The following IL2RA variants were observed in gnomAD, a reference collection of about 807,000 sequenced individuals.
IL2RA encodes interleukin 2 receptor subunit alpha, also known as interleukin-2 receptor subunit alpha.
Under a neutral mutation model 37.8 loss-of-function variants are expected in IL2RA, and 24 were observed. That is an observed-to-expected ratio of 0.63 (90% CI 0.46 to 0.89). IL2RA has a LOEUF of 0.89. Ranked by LOEUF, IL2RA falls within the 40% of genes least tolerant of loss-of-function variation. IL2RA has a pLI of 0.00. For synonymous variants in IL2RA, 125 were observed against 114.6 expected, an observed-to-expected ratio of 1.09 and a Z score of -0.58; for missense variants, 319 against 348.6, an observed-to-expected ratio of 0.92 and a Z score of 0.68.
rs147490071 is a variant in IL2RA, at chr10:6,054,365, G to A, written c.64+7723C>T. ...TTTGGCTGCCATCCAGGGTCATGTG[G>A]TGCTGGTGATAAGTGATCAGTGACC... On this transcript the variant is annotated intron_variant, in intron 1 of 7. Transcript: ENST00000379959. This position sits in a 1 kb window ranked among gnomAD's most constrained non-coding sequence, Gnocchi z 4.5. Among the ~76,000 whole-genome samples, 24 of 152,312 alleles carry A rather than the reference G, an allele frequency of 1.6e-4. No homozygotes were observed. The East Asian group carries it at 4.6e-3, about 29-fold the overall frequency.
In IL2RA at chr10:6,047,466, C is replaced by CG. The variant is rs2132889355; in HGVS notation, c.64+14621dup. ...GCCTGTAGCATGCACCCTGTGCCTC[C>CG]GGGCCACCAAAAACAGCAATCACGT... is the stretch of plus-strand genomic sequence containing the variant. On this transcript the variant is annotated intron_variant, in intron 1 of 7. Transcript: ENST00000379959. This position sits in a 1 kb window ranked among gnomAD's most constrained non-coding sequence, Gnocchi z 5.0. Among the ~76,000 whole-genome samples, 1 of 152,270 alleles carries CG rather than the reference C, an allele frequency of 6.6e-6. No individual in the cohort carries two copies. The highest frequency in any genetic ancestry group is 2.4e-5 in the African/African-American group (1 of 41,546).
In IL2RA at chr10:6,025,775, T is replaced by C. The variant is rs1386969014; in HGVS notation, c.256+59A>G. On this transcript the variant is annotated intron_variant, in intron 2 of 7. Transcript: ENST00000379959. The surrounding 1 kb of genome is among the most constrained non-coding windows in gnomAD (Gnocchi z 4.4). ...AGGGCTGAGTGAACAAAAGCTGGGC[T>C]CTGTCTCACTCTTTGCTGCAGTTCT... 6.5e-7 allele frequency: 1 copy of C among 1,529,852 alleles called. No individual in the cohort carries two copies. Among genetic ancestry groups the C allele is most frequent in the East Asian group, 2.2e-5 (1 of 44,506 alleles). 94.8% of individuals were successfully genotyped at this position (1,529,852 alleles called of 1,614,324 possible). A position where few individuals can be genotyped will look rare whatever the true frequency, so the allele number is the denominator to read the frequency against.
intron 1 of IL2RA, among the ~76,000 whole-genome samples, chr10:6,060,665 G>A (rs540356918): frequency 3.9e-5 from 6 of 152,124 alleles, no homozygotes; most frequent in African/African-American, 9.7e-5. Flanking sequence ...TCTGAGGCAC[G>A]AGAATTACTT....
intron 1 of IL2RA, among the ~76,000 whole-genome samples, chr10:6,041,309 G>A (rs1313082581): frequency 1.1e-4 from 16 of 151,946 alleles, no homozygotes; most frequent in Admixed American, 1.0e-3. Context: ...TAGAGACGGG[G>A]TTTCACTGTG....
rs1047179910 is a variant in IL2RA, at chr10:6,047,786, A to G, written c.64+14302T>C. On this transcript the variant is annotated intron_variant, in intron 1 of 7. Transcript: ENST00000379959. The surrounding 1 kb of genome is among the most constrained non-coding windows in gnomAD (Gnocchi z 5.0). ...TATGTTATATAAAATACTATAGTAT[A>G]CTCATTAATATAATTAGTATATTAT... 6.7e-6 allele frequency among the ~76,000 whole-genome samples: 1 copy of G among 148,952 alleles called. No homozygotes were observed. The highest frequency in any genetic ancestry group is 6.7e-5 in the Admixed American group (1 of 14,878).
Position 6,024,335 on chromosome 10 carries a change from T to A in IL2RA, c.276A>T (p.Lys92Asn). 1 of 1,613,684 alleles carries A rather than the reference T, an allele frequency of 6.2e-7. No individual in the cohort carries two copies. Among genetic ancestry groups the A allele is most frequent in the Non-Finnish European group, 8.5e-7 (1 of 1,179,526 alleles). ...GTTCTTCAGGTTGAGGTGTCACTTGTTTCGTTGTGTTCCGAGTGGCTAGAA... is the reference window on the plus strand; with the variant it reads ...GTTCTTCAGGTTGAGGTGTCACTTGATTCGTTGTGTTCCGAGTGGCTAGAA... ...CTSSATRNTT[K>N]QVTPQPEEQK... The change falls in exon 3 of 8, where the codon AAA becomes AAT. Residue 92 changes from lysine to asparagine, a missense_variant. Transcript: ENST00000379959.
At chr10:6,019,823 C>A in intron 5 of IL2RA, 47 bp downstream of exon 5, 1 of 1,561,408 alleles carries the variant, frequency 6.4e-7, no homozygotes, top group Non-Finnish European at 8.8e-7. Context: ...TCACCTCTGC[C>A]CTTTTGGACT....
Position 6,048,650 on chromosome 10 carries a change from C to T in IL2RA, c.64+13438G>A, listed in dbSNP as rs1839902539. 1.3e-5 allele frequency among the ~76,000 whole-genome samples: 2 copies of T among 152,260 alleles called. No homozygotes were observed. Among genetic ancestry groups the T allele is most frequent in the African/African-American group, 4.8e-5 (2 of 41,470 alleles). The stretch of plus-strand genomic sequence containing the variant: ...TTAAAACCCTACCCTCATGGACTTC[C>T]ATGGAGGTTACTCAATGCCCTATGG... On this transcript the variant is annotated intron_variant, in intron 1 of 7. Transcript: ENST00000379959. The surrounding 1 kb of genome is among the most constrained non-coding windows in gnomAD (Gnocchi z 5.3).
At chr10:6,049,825 AT>A (rs1839920009) in intron 1 of IL2RA, among the ~76,000 whole-genome samples, 2 of 152,230 alleles carry the variant, frequency 1.3e-5, no homozygotes, top group South Asian at 4.1e-4. Context: ...TTCCAAATTC[AT>A]AAGACTTTTC....
At position 6,028,673 on chromosome 10, in the gene IL2RA, C is replaced by A. The variant is rs188474811; in HGVS notation, c.65-2648G>T. 6.6e-6 allele frequency among the ~76,000 whole-genome samples: 1 copy of A among 152,090 alleles called. No homozygotes were observed. The highest frequency in any genetic ancestry group is 1.5e-5 in the Non-Finnish European group (1 of 68,014). On this transcript the variant is annotated intron_variant, in intron 1 of 7. Coordinates refer to ENST00000379959, the MANE Select transcript of IL2RA (RefSeq NM_000417.3). The surrounding 1 kb of genome is among the most constrained non-coding windows in gnomAD (Gnocchi z 4.1). Reference sequence around the variant, plus strand: ...TGAAGAAACAGGAAAATGTGACATACTTGACCTACTCAAAAAAGTGCTCAA... The same window carrying A: ...TGAAGAAACAGGAAAATGTGACATAATTGACCTACTCAAAAAAGTGCTCAA...
rs1839822578 is a variant in IL2RA, at chr10:6,044,559, A to G, written c.64+17529T>C. 6.6e-6 allele frequency among the ~76,000 whole-genome samples: 1 copy of G among 152,156 alleles called. No homozygotes were observed. The highest frequency in any genetic ancestry group is 1.5e-5 in the Non-Finnish European group (1 of 68,032). On this transcript the variant is annotated intron_variant, in intron 1 of 7. Coordinates refer to ENST00000379959, the MANE Select transcript of IL2RA (RefSeq NM_000417.3). This position sits in a 1 kb window ranked among gnomAD's most constrained non-coding sequence, Gnocchi z 4.5. ...GGTAAACTGACATGGCACACTCATGAGCATGTCTTATGGAAAGCTGCTTCT... is the reference window on the plus strand; with the variant it reads ...GGTAAACTGACATGGCACACTCATGGGCATGTCTTATGGAAAGCTGCTTCT...
intron 3 of IL2RA, among the ~76,000 whole-genome samples, chr10:6,023,845 T>C (rs1189538041): frequency 6.6e-6 from 1 of 152,190 alleles, no homozygotes; most frequent in Non-Finnish European, 1.5e-5. Context: ...CGGTGCGTTG[T>C]CTTGTGCTTA....
chr10:6,013,076 C>T (rs1162785093), intron 7 of IL2RA, among the ~76,000 whole-genome samples, 180 bp from the exon 8 acceptor site: 2 of 152,218 alleles, frequency 1.3e-5, no homozygotes, highest in African/African-American at 4.8e-5. Context: ...GATCTGCCTG[C>T]CTCGGCCTTC....
Position 6,022,218 on chromosome 10 carries a change from T to G in IL2RA, c.368-525A>C, listed in dbSNP as rs11596355. Among the ~76,000 whole-genome samples the G allele has an allele frequency of 6.6e-6, 1 of 151,954 alleles. No individual in the cohort carries two copies. The highest frequency in any genetic ancestry group is 1.5e-5 in the Non-Finnish European group (1 of 67,994). On this transcript the variant is annotated intron_variant, in intron 3 of 7. Transcript: ENST00000379959. This position sits in a 1 kb window ranked among gnomAD's most constrained non-coding sequence, Gnocchi z 4.7. ...GCATCTTGGGATGATGTCGGAAGGA[T>G]TGGGGACAACACCAAAGCCAGGAGG...
chr10:6,051,638 C>T (rs1839960571), intron 1 of IL2RA, among the ~76,000 whole-genome samples: 1 of 146,396 alleles, frequency 6.8e-6, no homozygotes, highest in East Asian at 2.0e-4. Flanking sequence ...CCTGCCTCAG[C>T]CTCCCTGAGT....
At chr10:6,062,065 CG>C in intron 1 of IL2RA, 22 bp downstream of exon 1, 2 of 1,607,384 alleles carry the variant, frequency 1.2e-6, no homozygotes, top group Non-Finnish European at 1.7e-6. Context: ...CCCGGAATTC[CG>C]GGGGCACCCA....
rs1839366748 is a variant in IL2RA, at chr10:6,020,486, T to A, written c.584-545A>T. On this transcript the variant is annotated intron_variant, in intron 4 of 7. Coordinates refer to ENST00000379959, the MANE Select transcript of IL2RA (RefSeq NM_000417.3). The surrounding 1 kb of genome is among the most constrained non-coding windows in gnomAD (Gnocchi z 5.6). ...GGGAACCCAAGAGAAGGACATGGAG[T>A]ATGAGAAGTGCAGTGAGCAAGAAAA... Among the ~76,000 whole-genome samples, 1 of 150,878 alleles carries A rather than the reference T, an allele frequency of 6.6e-6. No homozygotes were observed. The highest frequency in any genetic ancestry group is 6.6e-5 in the Admixed American group (1 of 15,200).
chr10:6,021,896 T>C lies in IL2RA; in HGVS notation c.368-203A>G, dbSNP rs1314486775. On this transcript the variant is annotated intron_variant, in intron 3 of 7. Transcript: ENST00000379959. The surrounding 1 kb of genome is among the most constrained non-coding windows in gnomAD (Gnocchi z 4.9). The stretch of plus-strand genomic sequence containing the variant: ...TAGGAAGGCACGAAGACCCTGTCAC[T>C]CCTGCAAGGGGTGGACAGTGGATTG... 6.6e-6 allele frequency among the ~76,000 whole-genome samples: 1 copy of C among 152,130 alleles called. No individual in the cohort carries two copies. Among genetic ancestry groups the C allele is most frequent in the Non-Finnish European group, 1.5e-5 (1 of 68,030 alleles).
Position 6,036,828 on chromosome 10 carries a change from A to C in IL2RA, c.65-10803T>G, listed in dbSNP as rs116146227. Among the ~76,000 whole-genome samples, 6,084 of 152,242 alleles carry C rather than the reference A, an allele frequency of 0.04. 390 individuals carry two copies. Among genetic ancestry groups the C allele is most frequent in the African/African-American group, 0.14 (5,752 of 41,498 alleles). ...GACACCACTGCTGAAGAAGAAGGATATCCCGGTTGGCTGCTCTAGAGCCGG... is the reference window on the plus strand; with the variant it reads ...GACACCACTGCTGAAGAAGAAGGATCTCCCGGTTGGCTGCTCTAGAGCCGG... On this transcript the variant is annotated intron_variant, in intron 1 of 7. Transcript: ENST00000379959. This position sits in a 1 kb window ranked among gnomAD's most constrained non-coding sequence, Gnocchi z 6.1.
Sources: allele counts gnomAD v4.1 joint callset (sites outside exome capture counted in the v4.1 genomes callset), GRCh38; gene constraint gnomAD v4.1.1; non-coding constraint Gnocchi (gnomAD v3.1); transcripts MANE v1.5; gene names NCBI Gene and HGNC (gene_info 2026-07-23, HGNC 2026-07-21).